The following PDZRN3 variants were observed in gnomAD, a reference collection of about 807,000 sequenced individuals.
PDZRN3 encodes PDZ domain containing ring finger 3.
A neutral mutation model predicts 85.7 loss-of-function variants in PDZRN3; 38 were observed. The observed-to-expected ratio is 0.44, with a 90% CI of 0.34 to 0.58. The LOEUF is 0.58. Among genes scored for constraint, PDZRN3 ranks in the 20% least tolerant of loss-of-function variants. The pLI is 0.01. For synonymous variants in PDZRN3, 759 were observed against 638.0 expected (o/e 1.19, Z -2.86); for missense variants, 1,629 against 1,506.4 (o/e 1.08, Z -1.35).
At position 73,423,451 on chromosome 3, in the gene PDZRN3, T is replaced by C. The variant is rs188806605; in HGVS notation, c.919-19056A>G. On this transcript the variant is annotated intron_variant, in intron 3 of 9. Transcript: ENST00000263666. The stretch of plus-strand genomic sequence containing the variant: ...TCTAACAAATTACCTCTGTTTTCAC[T>C]GGTTTAGTGCTGTGAATAGTAAGCA... Among the ~76,000 whole-genome samples the C allele has an allele frequency of 3.2e-4, 49 of 152,364 alleles. 1 individual carries two copies. In the East Asian group the frequency reaches 9.3e-3, roughly 29 times the overall value.
chr3:73,404,149 C>G lies in PDZRN3; in HGVS notation c.1165G>C (p.Glu389Gln). 1 of 1,613,366 alleles carries G rather than the reference C, an allele frequency of 6.2e-7. No individual in the cohort carries two copies. Among genetic ancestry groups the G allele is most frequent in the Non-Finnish European group, 8.5e-7 (1 of 1,179,530 alleles). The part of the protein sequence containing the change: ...PVLDPYLLPE[E>Q]HPSAHEYYDP... ...GGGGTTCAAGATTAGGTTACTTACT[C>G]CTCTGGCAAGAGATAGGGATCCAGC... The change falls in exon 4 of 10, where the codon GAG (glutamate) becomes CAG (glutamine). Residue 389 changes from glutamate (E) to glutamine (Q), a missense_variant and splice_region_variant. By Grantham distance (29) the Glu-to-Gln change is conservative (BLOSUM62 2). Coordinates refer to ENST00000263666, the MANE Select transcript of PDZRN3 (RefSeq NM_015009.3).
intron 5 of PDZRN3, among the ~76,000 whole-genome samples, chr3:73,393,116 C>G (rs1701562124): frequency 1.3e-5 from 2 of 152,096 alleles, no homozygotes; most frequent in South Asian, 4.1e-4. Flanking sequence ...TCCAACTGCA[C>G]AGATGTAGCT....
intron 3 of PDZRN3, among the ~76,000 whole-genome samples, chr3:73,443,696 G>C (rs1296591609): frequency 2.0e-5 from 3 of 151,620 alleles, no homozygotes; most frequent in Non-Finnish European, 4.4e-5. Context: ...GTCTCACTTT[G>C]TTGCTCAGGC....
intron 3 of PDZRN3, among the ~76,000 whole-genome samples, chr3:73,443,972 T>C (rs557738367): frequency 7.9e-5 from 12 of 152,320 alleles, no homozygotes; most frequent in Admixed American, 7.8e-4. Context: ...ATAATTTTGA[T>C]CCCACCATAT....
intron 3 of PDZRN3, among the ~76,000 whole-genome samples, chr3:73,500,124 TG>T (rs1320496779): frequency 1.1e-4 from 16 of 152,126 alleles, no homozygotes; most frequent in Non-Finnish European, 1.8e-4. Flanking sequence ...GGCGTGATCA[TG>T]GCTAACCGCA....
intron 3 of PDZRN3, among the ~76,000 whole-genome samples, chr3:73,504,875 T>A (rs1288723227): frequency 1.3e-5 from 2 of 152,216 alleles, no homozygotes; most frequent in Non-Finnish European, 2.9e-5. Context: ...ACATAATTGA[T>A]TGACCTGTGG....
Position 73,384,780 on chromosome 3 carries a change from A to T in PDZRN3, c.1786T>A (p.Ser596Thr). The stretch of plus-strand genomic sequence containing the variant: ...CTCTGCCCCGCCAGCGGGTTGGAGG[A>T]TGCGGTGGCGTCGTCGCCATTGTTC... ...QENNGDDATASSNPLAGQRKL... is the reference protein window; with the variant it reads ...QENNGDDATATSNPLAGQRKL... Residue 596 changes from serine to threonine, a missense_variant, in exon 10 of 10, where the codon TCC becomes ACC. Transcript: ENST00000263666. 1 of 1,613,966 alleles carries T rather than the reference A, an allele frequency of 6.2e-7. No individual in the cohort carries two copies. Among genetic ancestry groups the T allele is most frequent in the Non-Finnish European group, 8.5e-7 (1 of 1,180,040 alleles).
intron 3 of PDZRN3, among the ~76,000 whole-genome samples, chr3:73,462,339 C>G (rs754843078): frequency 3.2e-4 from 48 of 151,904 alleles, no homozygotes; most frequent in Admixed American, 2.6e-4. Flanking sequence ...GTCAGGAGAT[C>G]GAGACCATCC....
chr3:73,416,876 GTTT>G (rs146381615), intron 3 of PDZRN3, among the ~76,000 whole-genome samples: 1,237 of 110,096 alleles, frequency 0.011, 19 homozygotes, highest in African/African-American at 0.034. Flanking sequence ...TTTTTTTTTG[GTTT>G]TTTTTTTTTT....
chr3:73,478,231 G>A (rs1703496253), intron 3 of PDZRN3, among the ~76,000 whole-genome samples: 1 of 152,184 alleles, frequency 6.6e-6, no homozygotes, highest in African/African-American at 2.4e-5. Context: ...CTCACAGCAG[G>A]AAGGGAGAGG....
chr3:73,567,177 T>C (rs1307232876), intron 3 of PDZRN3, among the ~76,000 whole-genome samples: 1 of 152,168 alleles, frequency 6.6e-6, no homozygotes, highest in Non-Finnish European at 1.5e-5. Context: ...AGCAACATGT[T>C]ATAAGAATCT....
intron 3 of PDZRN3, among the ~76,000 whole-genome samples, chr3:73,448,803 C>A (rs1242795441): frequency 1.3e-5 from 2 of 152,200 alleles, no homozygotes; most frequent in Non-Finnish European, 2.9e-5. Flanking sequence ...TGTAACACCT[C>A]AAGCCAGAGA....
chr3:73,540,493 C>T (rs1269989232), intron 3 of PDZRN3, among the ~76,000 whole-genome samples: 3 of 152,264 alleles, frequency 2.0e-5, no homozygotes, highest in African/African-American at 7.2e-5. Context: ...ATCATCCCCA[C>T]GTATTGTGGG....
Position 73,383,413 on chromosome 3 carries a change from C to T in PDZRN3, c.3153G>A (p.Pro1051=), listed in dbSNP as rs150079299. The change falls in exon 10 of 10, where the codon CCG becomes CCA. Residue 1051 remains proline (P), a synonymous_variant. Coordinates refer to ENST00000263666, the MANE Select transcript of PDZRN3 (RefSeq NM_015009.3). ...AGGAATTGTATACTCTAGTGCCGTC[C>T]GGGGATTTTGTGCCGTGGGTTAAGA... is the stretch of plus-strand genomic sequence containing the variant. The part of the protein sequence containing the change: ...QELLTHGTKS[P]DGTRVYNSFL... 1.8e-4 allele frequency: 298 copies of T among 1,613,870 alleles called. 1 individual carries two copies. In the Middle Eastern group the frequency reaches 6.1e-3, roughly 33 times the overall value.
At chr3:73,404,417 G>A in intron 3 of PDZRN3, 22 bp from the exon 4 acceptor site, 1 of 1,605,208 alleles carries the variant, frequency 6.2e-7, no homozygotes, top group South Asian at 1.1e-5. Context: ...TATTTAGGGT[G>A]GGACAAGGTT....
At chr3:73,399,766 G>C (rs990389125) in intron 5 of PDZRN3, among the ~76,000 whole-genome samples, 1 of 152,172 alleles carries the variant, frequency 6.6e-6, no homozygotes, top group African/African-American at 2.4e-5. Flanking sequence ...TTGCTGTTTA[G>C]ACCAGGTGCA....
chr3:73,584,459 G>A (rs1192187296), intron 3 of PDZRN3, among the ~76,000 whole-genome samples: 1 of 22,204 alleles, frequency 4.5e-5, no homozygotes, highest in Non-Finnish European at 8.1e-5. Flanking sequence ...AATGGTGTGT[G>A]TGTGTGTGTG....
Position 73,389,824 on chromosome 3 carries a change from T to C in PDZRN3, c.1408A>G (p.Ile470Val). 1 of 1,612,498 alleles carries C rather than the reference T, an allele frequency of 6.2e-7. No homozygotes were observed. Among genetic ancestry groups the C allele is most frequent in the South Asian group, 1.1e-5 (1 of 91,042 alleles). Residue 470 changes from isoleucine to valine, a missense_variant, in exon 7 of 10, where the codon ATT becomes GTT. Physicochemically the swap from Ile to Val is conservative, Grantham distance 29 (BLOSUM62 3). Coordinates refer to ENST00000263666, the MANE Select transcript of PDZRN3 (RefSeq NM_015009.3). Reference protein sequence around the residue: ...KDGRIREGDRIIQINGIEVQN... With the variant: ...KDGRIREGDRVIQINGIEVQN... The stretch of plus-strand genomic sequence containing the variant: ...TTTGGAAGTGGACTTACCTGGATAA[T>C]GCGGTCTCCTTCTCGGATGCGCCCA...
intron 3 of PDZRN3, among the ~76,000 whole-genome samples, chr3:73,533,197 TA>T (rs1400244712): frequency 1.3e-5 from 2 of 152,208 alleles, no homozygotes; most frequent in Non-Finnish European, 1.5e-5. Flanking sequence ...CTCTCTTAAT[TA>T]AGTTAACTTA....
Sources: allele counts gnomAD v4.1 joint callset (sites outside exome capture counted in the v4.1 genomes callset), GRCh38; gene constraint gnomAD v4.1.1; transcripts MANE v1.5; gene names NCBI Gene and HGNC (gene_info 2026-07-23, HGNC 2026-07-21).